Variants in BANK1 observed in about 807,000 individuals in gnomAD.
BANK1 encodes B cell scaffold protein with ankyrin repeats 1, also known as B-cell scaffold protein with ankyrin repeats.
BANK1 carries 95 observed loss-of-function variants against 94.5 expected under a neutral mutation model. The ratio of observed to expected loss-of-function variants is 1.00; its 90% confidence interval spans 0.85 to 1.19. The LOEUF (loss-of-function observed/expected upper bound fraction) is 1.19. Among genes scored for constraint, BANK1 ranks in the 50% most tolerant of loss-of-function variants. BANK1 has a pLI of 0.00. For synonymous variants in BANK1, 334 were observed against 308.4 expected, an observed-to-expected ratio of 1.08 and a Z score of -0.87; for missense variants, 987 against 932.2, an observed-to-expected ratio of 1.06 and a Z score of -0.77.
intron 2 of BANK1, among the ~76,000 whole-genome samples, chr4:101,852,412 CTATT>C (rs1160597023): frequency 7.1e-6 from 1 of 141,024 alleles, no homozygotes; most frequent in Admixed American, 7.3e-5. Flanking sequence ...ATATTTATAT[CTATT>C]TAGTAAATTA....
chr4:102,042,087 T>C (rs1399211788), intron 10 of BANK1, among the ~76,000 whole-genome samples: 1 of 152,040 alleles, frequency 6.6e-6, no homozygotes, highest in Non-Finnish European at 1.5e-5. Flanking sequence ...ACGCCAGCTT[T>C]TTCCTCTTAA....
chr4:102,018,744 A>C (rs981268700), intron 7 of BANK1, among the ~76,000 whole-genome samples: 5 of 152,142 alleles, frequency 3.3e-5, no homozygotes, highest in South Asian at 4.2e-4. Context: ...ATAATTTTTT[A>C]ATCCAATCTC....
chr4:102,050,794 G>T (rs1477358695), intron 11 of BANK1, among the ~76,000 whole-genome samples: 1 of 146,474 alleles, frequency 6.8e-6, no homozygotes, highest in Non-Finnish European at 1.5e-5. Context: ...AAGGGATATA[G>T]AGTCAGGTTA....
In BANK1 at chr4:101,797,303, A is replaced by G. The variant is rs965300244; in HGVS notation, c.70+6353A>G. Among the ~76,000 whole-genome samples, 19 of 152,178 alleles carry G rather than the reference A, an allele frequency of 1.2e-4. No individual in the cohort carries two copies. In the East Asian group the frequency reaches 3.3e-3, roughly 26 times the overall value. On this transcript the variant is annotated intron_variant, in intron 1 of 16. Coordinates refer to ENST00000322953, the MANE Select transcript of BANK1 (RefSeq NM_017935.5). ...GTGACAAGGTTACACTCACAATGTTATTATAATGAGTGAGGAGAAGAATCT... is the reference window on the plus strand; with the variant it reads ...GTGACAAGGTTACACTCACAATGTTGTTATAATGAGTGAGGAGAAGAATCT...
intron 1 of BANK1, among the ~76,000 whole-genome samples, chr4:101,802,591 G>A (rs1038932473): frequency 5.3e-5 from 8 of 152,170 alleles, no homozygotes; most frequent in Non-Finnish European, 1.5e-5. Flanking sequence ...GATGTATTTT[G>A]TGTTTGTATG....
At chr4:101,882,511 C>T (rs1728715140) in intron 5 of BANK1, among the ~76,000 whole-genome samples, 1 of 152,128 alleles carries the variant, frequency 6.6e-6, no homozygotes, top group African/African-American at 2.4e-5. Context: ...TCAAAAAGGC[C>T]TGAGATAGTA....
intron 3 of BANK1, among the ~76,000 whole-genome samples, chr4:101,855,505 A>C (rs957377311): frequency 4.6e-5 from 7 of 152,168 alleles, no homozygotes; most frequent in African/African-American, 1.7e-4. Flanking sequence ...TTTGATACAC[A>C]CTGGATGATA....
At chr4:101,981,502 C>T (rs1227060297) in intron 7 of BANK1, among the ~76,000 whole-genome samples, 1 of 152,078 alleles carries the variant, frequency 6.6e-6, no homozygotes, top group African/African-American at 2.4e-5. Flanking sequence ...CATTGAAATG[C>T]ATGAGTTAAA....
intron 7 of BANK1, among the ~76,000 whole-genome samples, chr4:101,950,591 G>A (rs1724115336): frequency 6.6e-6 from 1 of 152,110 alleles, no homozygotes; most frequent in Admixed American, 6.6e-5. Context: ...CTTAATTACA[G>A]TTTCATATTG....
intron 7 of BANK1, among the ~76,000 whole-genome samples, chr4:101,927,457 C>T (rs1177137949): frequency 1.3e-5 from 2 of 151,552 alleles, no homozygotes; most frequent in African/African-American, 2.4e-5. Context: ...ATCAGAGTCA[C>T]AACTATATTG....
At chr4:102,006,334 T>C (rs1054809132) in intron 7 of BANK1, among the ~76,000 whole-genome samples, 13 of 152,144 alleles carry the variant, frequency 8.5e-5, no homozygotes, top group East Asian at 3.9e-4. Context: ...TATTAATAAA[T>C]GCCAGTGACT....
chr4:101,887,864 C>T (rs1388527959), intron 5 of BANK1, among the ~76,000 whole-genome samples: 1 of 152,100 alleles, frequency 6.6e-6, no homozygotes, highest in Non-Finnish European at 1.5e-5. Flanking sequence ...TAGATTTATA[C>T]ATTTACATTA....
At chr4:102,007,068 TTA>T (rs1305722927) in intron 7 of BANK1, among the ~76,000 whole-genome samples, 49 of 98,982 alleles carry the variant, frequency 5.0e-4, no homozygotes, top group East Asian at 6.9e-4. Flanking sequence ...ATATATAATT[TTA>T]TATATATATA....
At chr4:101,859,082 C>G (rs1000464177) in intron 3 of BANK1, among the ~76,000 whole-genome samples, 1 of 152,182 alleles carries the variant, frequency 6.6e-6, no homozygotes, top group African/African-American at 2.4e-5. Flanking sequence ...ACAGCACTAC[C>G]CACTTACTTC....
rs565948686 is a variant in BANK1 at position 102,022,055 on chromosome 4, C to T, written c.1285+463C>T. 4.0e-5 allele frequency among the ~76,000 whole-genome samples: 6 copies of T among 151,784 alleles called. 1 individual carries two copies. Among genetic ancestry groups the T allele is most frequent in the Middle Eastern group, 6.8e-3 (2 of 294 alleles). ...CAGGATGTTCCTACATGTATATAAA[C>T]GTATATGTGTATATAAATGTATATA... On this transcript the variant is annotated intron_variant, in intron 8 of 16. Transcript: ENST00000322953.
intron 12 of BANK1, among the ~76,000 whole-genome samples, chr4:102,061,000 G>A (rs1283921492): frequency 6.6e-6 from 1 of 152,098 alleles, no homozygotes; most frequent in Non-Finnish European, 1.5e-5. Flanking sequence ...CTTAGTGAGA[G>A]ATAACACGGT....
Position 102,021,503 on chromosome 4 carries a change from AT to A in BANK1, c.1207-4del, listed in dbSNP as rs761392681. On this transcript the variant is annotated splice_polypyrimidine_tract_variant and intron_variant, in intron 7 of 16. Coordinates refer to ENST00000322953, the MANE Select transcript of BANK1 (RefSeq NM_017935.5). Reference sequence around the variant, plus strand: ...ATTAATGCATATTATTAAAAATTACATTTTTTTCAGATCCAAGAAATTGACA... The same window carrying A: ...ATTAATGCATATTATTAAAAATTACATTTTTTCAGATCCAAGAAATTGACA... 16 of 1,317,006 alleles carry A rather than the reference AT, an allele frequency of 1.2e-5. No homozygotes were observed. The highest frequency in any genetic ancestry group is 2.9e-5 in the South Asian group (2 of 68,114). The allele number at this position is 1,317,006 out of a possible 1,614,324, so 81.6% of individuals were successfully genotyped here. A position where few individuals can be genotyped will look rare whatever the true frequency, so the allele number is the denominator to read the frequency against.
intron 5 of BANK1, among the ~76,000 whole-genome samples, chr4:101,870,991 G>A (rs779473874): frequency 1.3e-5 from 2 of 151,994 alleles, no homozygotes; most frequent in Non-Finnish European, 2.9e-5. Context: ...ATAACACAAA[G>A]TAAAATGAAA....
chr4:102,030,321 G>C (rs1463752129), intron 10 of BANK1, 56 bp downstream of exon 10: 1 of 1,487,382 alleles, frequency 6.7e-7, no homozygotes, highest in Non-Finnish European at 9.0e-7. Flanking sequence ...AAATTTTGAG[G>C]ATGGGAGGAG....
Sources: gnomAD v4.1 joint callset for allele counts (sites outside exome capture counted in the v4.1 genomes callset) on GRCh38, gnomAD v4.1.1 for gene constraint, MANE v1.5 for transcripts, NCBI Gene and HGNC (gene_info 2026-07-23, HGNC 2026-07-21) for gene names.